WDSUB1: variants seen among roughly 807,000 people sequenced by gnomAD.
WDSUB1 encodes the protein WD repeat, sterile alpha motif and U-box domain containing 1.
In WDSUB1, 49 loss-of-function variants were observed where a neutral mutation model predicts 53.9. The observed-to-expected ratio is 0.91, with a 90% confidence interval of 0.72 to 1.15. The LOEUF is 1.15. Among genes scored for constraint, WDSUB1 ranks in the 50% most tolerant of loss-of-function variants. WDSUB1 has a pLI of 0.00. For missense variants in WDSUB1, 514 were observed against 562.0 expected, an observed-to-expected ratio of 0.91 and a Z score of 0.86; for synonymous variants, 194 against 200.6, an observed-to-expected ratio of 0.97 and a Z score of 0.28.
chr2:159,273,479 G>A (rs1365158833), intron 4 of WDSUB1, among the ~76,000 whole-genome samples: 1 of 151,992 alleles, frequency 6.6e-6, no homozygotes, highest in Non-Finnish European at 1.5e-5. Context: ...GGAGTGCGGT[G>A]GTACAGTCTC....
At chr2:159,242,682 C>T (rs1195087016) in intron 10 of WDSUB1, among the ~76,000 whole-genome samples, 1 of 147,746 alleles carries the variant, frequency 6.8e-6, no homozygotes, top group Non-Finnish European at 1.5e-5. Context: ...TGCATCATAA[C>T]TCATTTGTTA....
intron 1 of WDSUB1, among the ~76,000 whole-genome samples, chr2:159,284,091 C>A (rs1302771596): frequency 1.3e-5 from 2 of 152,144 alleles, no homozygotes. Flanking sequence ...GGATAACCAG[C>A]GTGAGCCACC....
At chr2:159,246,037 A>G (rs1417845916) in intron 10 of WDSUB1, among the ~76,000 whole-genome samples, 1 of 152,210 alleles carries the variant, frequency 6.6e-6, no homozygotes, top group Non-Finnish European at 1.5e-5. Context: ...GAAATGGGGA[A>G]AAAACTTGAA....
chr2:159,278,560 C>A (rs1009319227), intron 3 of WDSUB1, among the ~76,000 whole-genome samples: 3 of 152,112 alleles, frequency 2.0e-5, no homozygotes, highest in Admixed American at 2.0e-4. Context: ...CAAAATTATA[C>A]AGATTTAATG....
intron 6 of WDSUB1, among the ~76,000 whole-genome samples, chr2:159,259,036 A>AATTTTTTTTTTTTTTTTT (rs1436442238): frequency 1.1e-4 from 16 of 150,704 alleles, no homozygotes; most frequent in East Asian, 6.1e-4. Context: ...CAACTACTTT[A>AATTTTTTTTTTTTTTTTT]TTTTTGAGAC....
At chr2:159,267,459 C>T (rs534583345) in intron 5 of WDSUB1, among the ~76,000 whole-genome samples, 1 of 152,178 alleles carries the variant, frequency 6.6e-6, no homozygotes, top group South Asian at 2.1e-4. Flanking sequence ...CACCCCTATG[C>T]CCAGCTAATT....
intron 6 of WDSUB1, 43 bp from the exon 7 acceptor site, chr2:159,258,028 G>A (rs1326072702): frequency 8.9e-6 from 14 of 1,568,642 alleles, no homozygotes; most frequent in East Asian, 2.2e-5. Flanking sequence ...TCAAGTAAGA[G>A]TAAAGTTACT....
At chr2:159,267,397 C>T (rs1286517685) in intron 5 of WDSUB1, among the ~76,000 whole-genome samples, 1 of 151,736 alleles carries the variant, frequency 6.6e-6, no homozygotes, top group Non-Finnish European at 1.5e-5. Flanking sequence ...AACTCCTGGG[C>T]TCAGGGGATT....
At chr2:159,257,607 C>T (rs1239256917) in intron 8 of WDSUB1, 151 bp downstream of exon 8, 11 of 640,340 alleles carry the variant, frequency 1.7e-5, no homozygotes, top group Admixed American at 2.9e-5. Flanking sequence ...AGGCTGGTCT[C>T]GAACTTCTGA....
At chr2:159,238,220 A>G (rs1364387694) in intron 10 of WDSUB1, among the ~76,000 whole-genome samples, 2 of 151,870 alleles carry the variant, frequency 1.3e-5, no homozygotes, top group East Asian at 3.9e-4. Flanking sequence ...ATGGAATATC[A>G]ACACTTCATC....
intron 10 of WDSUB1, among the ~76,000 whole-genome samples, chr2:159,245,141 T>G (rs2151056373): frequency 1.3e-5 from 2 of 152,220 alleles, no homozygotes; most frequent in South Asian, 4.2e-4. Flanking sequence ...AGAAAGTGTT[T>G]CTAAGATCTA....
Position 159,267,211 on chromosome 2 carries a change from C to A in WDSUB1, c.770+4491G>T, listed in dbSNP as rs548366120. On this transcript the variant is annotated intron_variant, in intron 5 of 10. Transcript: ENST00000359774. ...ATGCTCTTTCTGTTCCTCAATCTTC[C>A]CATATCTGCATAGAAATTCTATACT... 2.0e-5 allele frequency among the ~76,000 whole-genome samples: 3 copies of A among 152,298 alleles called. No individual in the cohort carries two copies. The South Asian group carries it at 6.2e-4, about 32-fold the overall frequency.
intron 4 of WDSUB1, among the ~76,000 whole-genome samples, chr2:159,274,657 C>G (rs925837937): frequency 6.8e-6 from 1 of 146,492 alleles, no homozygotes; most frequent in Non-Finnish European, 1.5e-5. Context: ...AGTCCCCAGT[C>G]CTTCACCCAG....
Position 159,256,244 on chromosome 2 carries a change from C to A in WDSUB1, c.1084G>T (p.Glu362Ter), listed in dbSNP as rs763178479. 3 of 1,609,656 alleles carry A rather than the reference C, an allele frequency of 1.9e-6. No homozygotes were observed. The highest frequency in any genetic ancestry group is 2.5e-6 in the Non-Finnish European group (3 of 1,178,796). Reference sequence around the variant, plus strand: ...CTTTCTTTTGTAAGATTCAACAGTTCTTTTCCATCAATGTTATTCATCTTG... The same window carrying A: ...CTTTCTTTTGTAAGATTCAACAGTTATTTTCCATCAATGTTATTCATCTTG... ...IFKMNNIDGK[E>*]LLNLTKESLA... Residue 362 changes from glutamate (E) to a stop codon, truncating the protein, a stop_gained, in exon 9 of 11, where the codon GAA becomes TAA. Transcript: ENST00000359774. LOFTEE classifies it high-confidence loss of function.
chr2:159,275,665 A>G (rs1447019714), intron 3 of WDSUB1, 27 bp from the exon 4 acceptor site: 1 of 1,543,110 alleles, frequency 6.5e-7, no homozygotes, highest in South Asian at 1.2e-5. Context: ...ATAAATACAG[A>G]GAATTTGTAA....
At chr2:159,281,759 T>C (rs940031145) in intron 2 of WDSUB1, among the ~76,000 whole-genome samples, 1 of 152,132 alleles carries the variant, frequency 6.6e-6, no homozygotes, top group Non-Finnish European at 1.5e-5. Context: ...GTGGATCACA[T>C]GAGGTCAGGA....
chr2:159,240,750 C>T (rs1240676943), intron 10 of WDSUB1, among the ~76,000 whole-genome samples: 1 of 152,140 alleles, frequency 6.6e-6, no homozygotes, highest in Non-Finnish European at 1.5e-5. Context: ...GAGCAACTGA[C>T]CTGGGATTTA....
At chr2:159,249,442 G>A (rs2060896981) in intron 9 of WDSUB1, among the ~76,000 whole-genome samples, 2 of 152,164 alleles carry the variant, frequency 1.3e-5, no homozygotes, top group African/African-American at 4.8e-5. Flanking sequence ...GTTGAAGTGG[G>A]TAGAAGAATT....
intron 5 of WDSUB1, among the ~76,000 whole-genome samples, chr2:159,261,915 T>A (rs1575466046): frequency 6.5e-5 from 6 of 92,964 alleles, no homozygotes; most frequent in African/African-American, 2.0e-4. Context: ...TTTTTTTTTT[T>A]TTTTTTTTTT....
Sources: allele counts gnomAD v4.1 joint callset (sites outside exome capture counted in the v4.1 genomes callset), GRCh38; gene constraint gnomAD v4.1.1; transcripts MANE v1.5; gene names NCBI Gene and HGNC (gene_info 2026-07-23, HGNC 2026-07-21).